Variants in ADAMTSL1 observed in about 807,000 individuals in gnomAD.
ADAMTSL1 encodes the protein ADAMTS like 1.
A neutral mutation model predicts 201.8 loss-of-function variants in ADAMTSL1; 126 were observed. The observed-to-expected ratio is 0.62, with a 90% CI of 0.54 to 0.72. ADAMTSL1 has a LOEUF of 0.72. ADAMTSL1 is among the 30% of genes least tolerant of loss of function. ADAMTSL1 has a pLI of 0.00. For missense variants in ADAMTSL1, 2,679 were observed against 2,277.8 expected, an observed-to-expected ratio of 1.18 and a Z score of -3.59; for synonymous variants, 1,121 against 903.4, an observed-to-expected ratio of 1.24 and a Z score of -4.32.
chr9:18,765,041 G>A (rs935008154), intron 16 of ADAMTSL1, among the ~76,000 whole-genome samples: 1 of 152,160 alleles, frequency 6.6e-6, no homozygotes, highest in Non-Finnish European at 1.5e-5. Flanking sequence ...CAATTTGAAA[G>A]AGAGAGAAAA....
chr9:18,811,514 C>T (rs1025886784), intron 20 of ADAMTSL1, among the ~76,000 whole-genome samples: 1 of 152,212 alleles, frequency 6.6e-6, no homozygotes, highest in African/African-American at 2.4e-5. Flanking sequence ...GAGTCCCACA[C>T]TTGGGTAACA....
intron 2 of ADAMTSL1, among the ~76,000 whole-genome samples, chr9:18,377,623 G>T (rs1350237207): frequency 1.3e-5 from 2 of 152,190 alleles, no homozygotes; most frequent in African/African-American, 4.8e-5. Context: ...AGGCTAGAGT[G>T]CAGTGGCGCC....
At chr9:17,946,324 A>G (rs1563912709) in intron 1 of ADAMTSL1, among the ~76,000 whole-genome samples, 2 of 151,976 alleles carry the variant, frequency 1.3e-5, no homozygotes, top group South Asian at 2.1e-4. Context: ...GAAAGAAAAC[A>G]TATTTCGTCA....
chr9:18,348,440 A>G (rs1440320345), intron 2 of ADAMTSL1, among the ~76,000 whole-genome samples: 2 of 152,198 alleles, frequency 1.3e-5, no homozygotes, highest in Non-Finnish European at 2.9e-5. Context: ...TAATTTCTCT[A>G]AACCTCACTA....
At chr9:18,432,367 T>C (rs1420814818) in intron 2 of ADAMTSL1, among the ~76,000 whole-genome samples, 11 of 152,230 alleles carry the variant, frequency 7.2e-5, no homozygotes. Flanking sequence ...GTTTTCACCA[T>C]GTATGAATCT....
chr9:18,545,452 A>G (rs1328586646), intron 3 of ADAMTSL1, among the ~76,000 whole-genome samples: 1 of 152,200 alleles, frequency 6.6e-6, no homozygotes, highest in Admixed American at 6.5e-5. Flanking sequence ...CATTTTTACA[A>G]CATATGCTTT....
chr9:18,751,866 G>A lies in ADAMTSL1; in HGVS notation c.2007-1432G>A, dbSNP rs1819490464. 6.7e-4 allele frequency among the ~76,000 whole-genome samples: 2 copies of A among 2,978 alleles called. 1 individual carries two copies. Among genetic ancestry groups the A allele is most frequent in the Non-Finnish European group, 1.8e-3 (2 of 1,118 alleles). The allele number at this position is 2,978 out of a possible 152,430, so 2.0% of individuals were successfully genotyped here. A position where few individuals can be genotyped will look rare whatever the true frequency, so the allele number is the denominator to read the frequency against. On this transcript the variant is annotated intron_variant, in intron 15 of 28. Transcript: ENST00000380548. ...TGCACTTTGGGAGGCCGAGGCGGGC[G>A]GATCACGAGGTCGGGAGATCGAGGC...
chr9:18,684,627 A>C (rs1447288312), intron 12 of ADAMTSL1, 89 bp from the exon 13 acceptor site: 1 of 1,430,262 alleles, frequency 7.0e-7, no homozygotes, highest in African/African-American at 1.4e-5. Flanking sequence ...CAACGTAGTA[A>C]CTTCTTGGTG....
intron 1 of ADAMTSL1, among the ~76,000 whole-genome samples, chr9:18,047,015 T>C (rs969467870): frequency 6.6e-6 from 1 of 151,948 alleles, no homozygotes; most frequent in African/African-American, 2.4e-5. Flanking sequence ...TGTGGAGTAA[T>C]GGAAGGCAGA....
At chr9:18,343,865 C>A (rs1198747996) in intron 2 of ADAMTSL1, among the ~76,000 whole-genome samples, 3 of 152,048 alleles carry the variant, frequency 2.0e-5, no homozygotes, top group Non-Finnish European at 4.4e-5. Context: ...AACCTATTAT[C>A]AAAACAGCTT....
chr9:18,617,810 C>A (rs80253881), intron 4 of ADAMTSL1, among the ~76,000 whole-genome samples: 1 of 151,890 alleles, frequency 6.6e-6, no homozygotes, highest in South Asian at 2.1e-4. Flanking sequence ...TTTTTTGTTA[C>A]CTGAGATTAA....
intron 2 of ADAMTSL1, among the ~76,000 whole-genome samples, chr9:18,393,522 A>G (rs757716578): frequency 6.6e-6 from 1 of 152,198 alleles, no homozygotes; most frequent in African/African-American, 2.4e-5. Flanking sequence ...TTCTTCTGAT[A>G]TGTTGCATCA....
At chr9:18,208,684 T>C (rs1829750658) in intron 2 of ADAMTSL1, among the ~76,000 whole-genome samples, 1 of 152,176 alleles carries the variant, frequency 6.6e-6, no homozygotes, top group Non-Finnish European at 1.5e-5. Flanking sequence ...TGAGAGCACA[T>C]AGCCAGCAAG....
intron 1 of ADAMTSL1, among the ~76,000 whole-genome samples, chr9:18,103,007 A>T (rs1159063423): frequency 2.0e-5 from 3 of 152,186 alleles, no homozygotes; most frequent in Non-Finnish European, 4.4e-5. Context: ...CTTGACTCTT[A>T]GTATTCTCCC....
chr9:18,638,608 A>T (rs1827248767), intron 6 of ADAMTSL1, among the ~76,000 whole-genome samples: 1 of 152,080 alleles, frequency 6.6e-6, no homozygotes, highest in Non-Finnish European at 1.5e-5. Flanking sequence ...TCCAGAAATC[A>T]AGGTTTTTTT....
Position 18,826,074 on chromosome 9 carries a change from C to T in ADAMTSL1, c.3935-210C>T, listed in dbSNP as rs115066080. On this transcript the variant is annotated intron_variant, in intron 21 of 28. Coordinates refer to ENST00000380548, the MANE Select transcript of ADAMTSL1 (RefSeq NM_001040272.6). ...AACTGAGATGTTTATCTTGTATCAA[C>T]ATTTATTCTGATTCTTTGGTCACCC... The T allele has an allele frequency of 1.1e-3, 714 of 629,324 alleles. 2 individuals carry two copies. The African/African-American group carries it at 0.012, about 11-fold the overall frequency. The allele number at this position is 629,324 out of a possible 1,614,324, so 39.0% of individuals were successfully genotyped here.
chr9:18,271,140 A>G (rs1473083979), intron 2 of ADAMTSL1, among the ~76,000 whole-genome samples: 1 of 152,224 alleles, frequency 6.6e-6, no homozygotes, highest in Non-Finnish European at 1.5e-5. Flanking sequence ...TAGAGGAGAT[A>G]ATAAAAATGT....
chr9:18,486,629 G>A (rs1445374960), intron 1 of ADAMTSL1, among the ~76,000 whole-genome samples: 1 of 152,122 alleles, frequency 6.6e-6, no homozygotes, highest in Non-Finnish European at 1.5e-5. Flanking sequence ...TGCTTGAGCT[G>A]GAGAGATGGA....
chr9:18,422,052 A>G (rs181831876), intron 2 of ADAMTSL1, among the ~76,000 whole-genome samples: 19 of 152,258 alleles, frequency 1.2e-4, no homozygotes, highest in Non-Finnish European at 1.5e-5. Context: ...TAGTCATTTA[A>G]ATGTTGTACT....
Sources: gnomAD v4.1 joint callset for allele counts (sites outside exome capture counted in the v4.1 genomes callset) on GRCh38, gnomAD v4.1.1 for gene constraint, MANE v1.5 for transcripts, NCBI Gene and HGNC (gene_info 2026-07-23, HGNC 2026-07-21) for gene names.